The following PDLIM4 variants were observed in gnomAD, a reference collection of about 807,000 sequenced individuals.
PDLIM4 encodes PDZ and LIM domain 4.
PDLIM4 carries 19 observed loss-of-function variants against 31.3 expected under a neutral mutation model. That is an observed-to-expected ratio of 0.61 (90% CI 0.42 to 0.89). The LOEUF is 0.89. Among genes scored for constraint, PDLIM4 ranks in the 40% least tolerant of loss-of-function variants. The probability of loss-of-function intolerance (pLI) is 0.00; values close to 1 mark genes in which losing one functional copy is unlikely to be tolerated. For missense variants in PDLIM4, 442 were observed against 461.1 expected, an observed-to-expected ratio of 0.96 and a Z score of 0.38; for synonymous variants, 176 against 190.1, an observed-to-expected ratio of 0.93 and a Z score of 0.61.
In PDLIM4 at chr5:132,272,400, T is replaced by G; in HGVS notation, c.*171T>G. On this transcript the variant is annotated 3_prime_UTR_variant, in exon 7 of 7. Coordinates refer to ENST00000253754, the MANE Select transcript of PDLIM4 (RefSeq NM_003687.4). Reference sequence around the variant, plus strand: ...GCTCCCGAGTACAGTAGTATCTGCTTAGGTGCCAGGCATGTCCTAGGCTCT... The same window carrying G: ...GCTCCCGAGTACAGTAGTATCTGCTGAGGTGCCAGGCATGTCCTAGGCTCT... 5 of 637,326 alleles carry G rather than the reference T, an allele frequency of 7.8e-6. No homozygotes were observed. The South Asian group carries it at 9.1e-5, about 12-fold the overall frequency. 39.5% of individuals were successfully genotyped at this position (637,326 alleles called of 1,614,324 possible).
chr5:132,266,596 A>T, intron 3 of PDLIM4, 51 bp downstream of exon 3: 1 of 1,245,166 alleles, frequency 8.0e-7, no homozygotes, highest in Non-Finnish European at 1.2e-6. Context: ...AGCCCAGGGC[A>T]GAGGGGCCAG....
chr5:132,270,558 G>C, intron 3 of PDLIM4: 1 of 310,336 alleles, frequency 3.2e-6, no homozygotes, highest in Middle Eastern at 9.4e-4. Flanking sequence ...CTCTGCTGTA[G>C]CCACACAGAC....
chr5:132,263,600 C>T (rs1756423358), intron 2 of PDLIM4, among the ~76,000 whole-genome samples: 1 of 152,144 alleles, frequency 6.6e-6, no homozygotes, highest in Non-Finnish European at 1.5e-5. Context: ...AGTGGGATCT[C>T]CCCACTCCCC....
chr5:132,263,266 G>A (rs1306543512), intron 2 of PDLIM4, among the ~76,000 whole-genome samples: 6 of 152,078 alleles, frequency 3.9e-5, no homozygotes, highest in African/African-American at 7.2e-5. Context: ...TTTGATTTTG[G>A]GGCTCTCTCC....
chr5:132,271,134 C>G, intron 4 of PDLIM4, 41 bp downstream of exon 4: 6 of 1,586,422 alleles, frequency 3.8e-6, no homozygotes, highest in South Asian at 1.1e-5. Flanking sequence ...CAGAACCCAT[C>G]TTAACCCTTG....
At position 132,262,732 on chromosome 5, in the gene PDLIM4, C is replaced by T. The variant is rs570428759; in HGVS notation, c.217C>T (p.His73Tyr). Residue 73 changes from histidine (H) to tyrosine (Y), a missense_variant, in exon 2 of 7, where the codon CAC becomes TAC. Transcript: ENST00000253754. The part of the protein sequence containing the change: ...LEAQNRIKGC[H>Y]DHLTLSVSRP... ...GGCACAGAACCGCATCAAGGGCTGCCACGATCACCTCACACTGTCTGTGAG... is the reference window on the plus strand; with the variant it reads ...GGCACAGAACCGCATCAAGGGCTGCTACGATCACCTCACACTGTCTGTGAG... The T allele has an allele frequency of 2.5e-6, 4 of 1,613,816 alleles. No homozygotes were observed. In the African/African-American group the frequency reaches 5.3e-5, roughly 22 times the overall value.
rs1756634761 is a variant in PDLIM4, at chr5:132,272,024, G to A, written c.789-1G>A. 2 of 1,613,946 alleles carry A rather than the reference G, an allele frequency of 1.2e-6. No individual in the cohort carries two copies. Among genetic ancestry groups the A allele is most frequent in the Non-Finnish European group, 1.7e-6 (2 of 1,179,870 alleles). On this transcript the variant is annotated splice_acceptor_variant, in intron 6 of 6. Coordinates refer to ENST00000253754, the MANE Select transcript of PDLIM4 (RefSeq NM_003687.4). LOFTEE classifies it high-confidence loss of function. ...CTGTCCTGTCTCGTTCCCCCCATCA[G>A]GGGCACCATCGTCAAGGCACGGGAC... is the stretch of plus-strand genomic sequence containing the variant.
In PDLIM4 at chr5:132,271,040, C is replaced by T. The variant is rs182865841; in HGVS notation, c.453C>T (p.Ser151=). The change falls in exon 4 of 7, where the codon AGC becomes AGT. Residue 151 remains serine, a synonymous_variant. Transcript: ENST00000253754. Reference sequence around the variant, plus strand: ...TTCCAGTCCCTCACAATGGCAGCAGCGAGGCCACCCTGCCAGCCCAGATGA... The same window carrying T: ...TTCCAGTCCCTCACAATGGCAGCAGTGAGGCCACCCTGCCAGCCCAGATGA... ...PRFPVPHNGS[S]EATLPAQMST... 1.6e-5 allele frequency: 26 copies of T among 1,614,116 alleles called. No individual in the cohort carries two copies. The East Asian group carries it at 3.8e-4, about 24-fold the overall frequency.
chr5:132,271,722 C>A, intron 5 of PDLIM4, 69 bp from the exon 6 acceptor site: 4 of 1,209,942 alleles, frequency 3.3e-6, no homozygotes, highest in South Asian at 1.2e-5. Flanking sequence ...GGCGCCCAAC[C>A]AAACACCCCG....
intron 1 of PDLIM4, among the ~76,000 whole-genome samples, chr5:132,259,586 C>T (rs1434258177): frequency 6.6e-6 from 1 of 152,192 alleles, no homozygotes; most frequent in Non-Finnish European, 1.5e-5. Context: ...TGGGGAGGCA[C>T]AGGCCACAGC....
intron 3 of PDLIM4, chr5:132,266,899 C>G (rs1273226838): frequency 3.7e-5 from 7 of 191,012 alleles, no homozygotes; most frequent in African/African-American, 1.6e-4. Context: ...GTGCTTGCAG[C>G]GGGGGAGATT....
In PDLIM4 at chr5:132,257,703, G is replaced by C. The variant is rs770411241; in HGVS notation, c.-32G>C. 7.8e-5 allele frequency: 107 copies of C among 1,374,540 alleles called. 1 individual carries two copies. The highest frequency in any genetic ancestry group is 9.2e-5 in the Non-Finnish European group (95 of 1,037,894). 85.1% of individuals were successfully genotyped at this position (1,374,540 alleles called of 1,614,324 possible). ...CGGCGGCGGCTCCTCCTCAGAGTCCGGCTCAGGCTCCGGCTGCGGCTCCAG... is the reference window on the plus strand; with the variant it reads ...CGGCGGCGGCTCCTCCTCAGAGTCCCGCTCAGGCTCCGGCTGCGGCTCCAG... On this transcript the variant is annotated 5_prime_UTR_variant, in exon 1 of 7. Transcript: ENST00000253754. The surrounding 1 kb of genome is among the most constrained non-coding windows in gnomAD (Gnocchi z 4.3).
intron 3 of PDLIM4, among the ~76,000 whole-genome samples, chr5:132,269,586 T>C (rs1756561618): frequency 6.6e-6 from 1 of 151,948 alleles, no homozygotes; most frequent in Non-Finnish European, 1.5e-5. Flanking sequence ...ACTGCTGGTC[T>C]GCCTGTTCCC....
chr5:132,259,137 C>CTGTGTGTGTGTGTGTGTGTGTGTGTGTG (rs70974028), intron 1 of PDLIM4, among the ~76,000 whole-genome samples: 1 of 146,106 alleles, frequency 6.8e-6, no homozygotes, highest in Non-Finnish European at 1.5e-5. Flanking sequence ...AGGATTCCTG[C>CTGTGTGTGTGTGTGTGTGTGTGTGTGTG]TGTGTGTGTG....
chr5:132,269,260 G>T (rs573051988), intron 3 of PDLIM4, among the ~76,000 whole-genome samples: 4 of 151,940 alleles, frequency 2.6e-5, no homozygotes, highest in Admixed American at 6.6e-5. Context: ...GCACCCTGCT[G>T]GGTAGGGGTG....
rs145940952 is a variant in PDLIM4, at chr5:132,265,890, C to A, written c.246-574C>A. On this transcript the variant is annotated intron_variant, in intron 2 of 6. Coordinates refer to ENST00000253754, the MANE Select transcript of PDLIM4 (RefSeq NM_003687.4). ...CTGAGTGGTGTTTGGCTTTTGGTTT[C>A]TATGGCGAAGCAGGAATTTCCTAAT... 2.2e-3 allele frequency among the ~76,000 whole-genome samples: 336 copies of A among 152,288 alleles called. 2 individuals carry two copies. Among genetic ancestry groups the A allele is most frequent in the African/African-American group, 7.7e-3 (321 of 41,552 alleles).
chr5:132,268,640 A>T (rs980016477), intron 3 of PDLIM4, among the ~76,000 whole-genome samples: 3 of 152,158 alleles, frequency 2.0e-5, no homozygotes, highest in Non-Finnish European at 4.4e-5. Flanking sequence ...AGTGGCAATT[A>T]TGCTCAGAAC....
In PDLIM4 at chr5:132,262,612, C is replaced by T; in HGVS notation, c.97C>T (p.His33Tyr). 2 of 1,606,352 alleles carry T rather than the reference C, an allele frequency of 1.2e-6. No individual in the cohort carries two copies. The highest frequency in any genetic ancestry group is 1.7e-6 in the Non-Finnish European group (2 of 1,176,158). Residue 33 changes from histidine (H) to tyrosine (Y), a missense_variant, in exon 2 of 7, where the codon CAT becomes TAT. Coordinates refer to ENST00000253754, the MANE Select transcript of PDLIM4 (RefSeq NM_003687.4). ...CATCTGGCTTGTCTGCTCGCAGGTC[C>T]ATGCTGGCAGCAAGGCTGCATTGGC... ...FSAPLTISRV[H>Y]AGSKAALAAL... is the part of the protein sequence containing the mutation.
chr5:132,257,959 C>A lies in PDLIM4; in HGVS notation c.93+132C>A. ...AGGGTTGGCCTGGGCGCCCCGCATG[C>A]TGTAGAGGCGGCTTCCAGGCAGAGG... On this transcript the variant is annotated intron_variant, in intron 1 of 6. Coordinates refer to ENST00000253754, the MANE Select transcript of PDLIM4 (RefSeq NM_003687.4). This position sits in a 1 kb window ranked among gnomAD's most constrained non-coding sequence, Gnocchi z 4.3. 2.0e-6 allele frequency: 1 copy of A among 492,080 alleles called. No individual in the cohort carries two copies. The highest frequency in any genetic ancestry group is 2.0e-5 in the African/African-American group (1 of 49,034). 30.5% of individuals were successfully genotyped at this position (492,080 alleles called of 1,614,324 possible). A position where few individuals can be genotyped will look rare whatever the true frequency, so the allele number is the denominator to read the frequency against.
Sources: gnomAD v4.1 joint callset for allele counts (sites outside exome capture counted in the v4.1 genomes callset) on GRCh38, gnomAD v4.1.1 for gene constraint, Gnocchi (gnomAD v3.1) non-coding constraint, MANE v1.5 for transcripts, NCBI Gene and HGNC (gene_info 2026-07-23, HGNC 2026-07-21) for gene names.